The following NDUFAF6 variants were observed in gnomAD, a reference collection of about 807,000 sequenced individuals.
The protein encoded by NDUFAF6 is NADH:ubiquinone oxidoreductase complex assembly factor 6.
NDUFAF6 carries 45 observed loss-of-function variants against 40.8 expected under a neutral mutation model. The observed-to-expected ratio is 1.10, with a 90% CI of 0.87 to 1.42. NDUFAF6 has a LOEUF of 1.42. Ranked by LOEUF, NDUFAF6 falls within the 40% of genes most tolerant of loss-of-function variation. NDUFAF6 has a pLI of 0.00. For synonymous variants in NDUFAF6, 185 were observed against 155.9 expected (o/e 1.19, Z -1.39); for missense variants, 435 against 418.5 (o/e 1.04, Z -0.34).
intron 1 of NDUFAF6, among the ~76,000 whole-genome samples, chr8:94,978,109 C>T (rs1008557856): frequency 1.3e-5 from 2 of 152,000 alleles, no homozygotes; most frequent in African/African-American, 4.8e-5. Flanking sequence ...TTGGGGGGCT[C>T]CTGGATAGCT....
intron 4 of NDUFAF6, among the ~76,000 whole-genome samples, chr8:95,110,113 T>C (rs4735349): frequency 0.48 from 73,427 of 152,140 alleles, 19,663 homozygotes; most frequent in East Asian, 0.98. Context: ...TAGCCAATGA[T>C]GGTGACTGGC....
intron 9 of NDUFAF6, chr8:95,068,848 T>C (rs1197510934): frequency 1.3e-5 from 2 of 151,864 alleles, no homozygotes; most frequent in Admixed American, 1.3e-4. Flanking sequence ...CACTCCAATT[T>C]CTTTTCTGCA....
intron 1 of NDUFAF6, among the ~76,000 whole-genome samples, chr8:94,961,391 A>G (rs1255219483): frequency 6.6e-6 from 1 of 152,246 alleles, no homozygotes; most frequent in East Asian, 1.9e-4. Context: ...CCTCACAACA[A>G]TTCAGAGAAT....
chr8:95,107,239 C>G (rs937125138), downstream of NDUFAF6, among the ~76,000 whole-genome samples: 1 of 152,148 alleles, frequency 6.6e-6, no homozygotes, highest in Non-Finnish European at 1.5e-5. Flanking sequence ...AACCCAAATG[C>G]CCAGCAATGA....
At chr8:94,929,114 ACCCTGG>A (rs1820152035) in intron 1 of NDUFAF6, 1 of 152,588 alleles carries the variant, frequency 6.6e-6, no homozygotes, top group Non-Finnish European at 1.5e-5. Context: ...CGAACCCTGC[ACCCTGG>A]CCTCATTAGC....
In NDUFAF6 at chr8:95,029,132, A is replaced by C. The variant is rs192972747; in HGVS notation, c.198-2863A>C. ...CAGTTGAAAAGTGGGAGAAATCTGA[A>C]TTTTAGTACCTAAACTCTATGGGAT... On this transcript the variant is annotated intron_variant, in intron 1 of 8. Transcript: ENST00000396124. Among the ~76,000 whole-genome samples the C allele has an allele frequency of 2.0e-3, 304 of 152,318 alleles. 4 individuals carry two copies. In the South Asian group the frequency reaches 0.033, roughly 16 times the overall value.
downstream of NDUFAF6, among the ~76,000 whole-genome samples, chr8:95,116,743 T>A (rs1433724661): frequency 1.3e-5 from 2 of 152,230 alleles, no homozygotes; most frequent in African/African-American, 4.8e-5. Context: ...ACTGGATTAT[T>A]GTGTTGACAC....
chr8:95,094,360 C>G (rs1809367304), intron 2 of NDUFAF6, among the ~76,000 whole-genome samples: 1 of 128,476 alleles, frequency 7.8e-6, no homozygotes, highest in African/African-American at 2.9e-5. Flanking sequence ...TTCTTTCCTT[C>G]TTTCTTTTCT....
At position 95,094,332 on chromosome 8, in the gene NDUFAF6, A is replaced by G. The variant is rs1809366249; in HGVS notation, n.214-6800A>G. On this transcript the variant is annotated intron_variant and non_coding_transcript_variant, in intron 2 of 5. Coordinates refer to the NDUFAF6 transcript ENST00000523184. The stretch of plus-strand genomic sequence containing the variant: ...CTTCCTTTGGCCACTGTGCCCAACT[A>G]TTCTATGTCTTTCCTTTTTCTTTCC... Among the ~76,000 whole-genome samples the G allele has an allele frequency of 2.8e-5, 4 of 140,418 alleles. 1 individual carries two copies. In the South Asian group the frequency reaches 7.2e-4, roughly 25 times the overall value. The allele number at this position is 140,418 out of a possible 152,430, so 92.1% of individuals were successfully genotyped here.
At chr8:95,007,349 A>C (rs1369068572) in intron 2 of NDUFAF6, among the ~76,000 whole-genome samples, 1 of 151,994 alleles carries the variant, frequency 6.6e-6, no homozygotes, top group Non-Finnish European at 1.5e-5. Flanking sequence ...GCCAATAAGG[A>C]TATAGTTAAA....
chr8:95,016,315 A>G (rs1391214893), intron 2 of NDUFAF6, among the ~76,000 whole-genome samples: 1 of 152,252 alleles, frequency 6.6e-6, no homozygotes, highest in African/African-American at 2.4e-5. Flanking sequence ...AAGAGGATGA[A>G]ATGAGTTAGA....
intron 1 of NDUFAF6, among the ~76,000 whole-genome samples, chr8:94,979,278 A>G (rs1282557747): frequency 6.6e-6 from 1 of 151,788 alleles, no homozygotes; most frequent in East Asian, 1.9e-4. Flanking sequence ...CACCTGGGCT[A>G]CACCTCTGCC....
intron 2 of NDUFAF6, among the ~76,000 whole-genome samples, chr8:95,090,164 G>A (rs1809201937): frequency 6.6e-6 from 1 of 151,922 alleles, no homozygotes; most frequent in South Asian, 2.1e-4. Context: ...ATTCGGTGTG[G>A]CCCCTTTCCC....
chr8:94,951,214 C>G (rs748485455), intron 2 of NDUFAF6: 1 of 152,252 alleles, frequency 6.6e-6, no homozygotes, highest in African/African-American at 2.4e-5. Flanking sequence ...GAAAGAGATG[C>G]CTGGCCAGCT....
chr8:95,110,423 T>C (rs1809967175), intron 4 of NDUFAF6, among the ~76,000 whole-genome samples: 1 of 152,232 alleles, frequency 6.6e-6, no homozygotes, highest in African/African-American at 2.4e-5. Flanking sequence ...ATATCAGTGA[T>C]GTACAGTGTT....
chr8:94,943,385 A>C (rs1308255376), intron 1 of NDUFAF6, among the ~76,000 whole-genome samples: 2 of 152,180 alleles, frequency 1.3e-5, no homozygotes, highest in Non-Finnish European at 2.9e-5. Flanking sequence ...GCTACTTGGG[A>C]GGCTGACGTG....
chr8:95,108,747 G>A (rs1177306483), intron 4 of NDUFAF6, among the ~76,000 whole-genome samples: 1 of 152,102 alleles, frequency 6.6e-6, no homozygotes, highest in African/African-American at 2.4e-5. Flanking sequence ...CTGGTGGGAT[G>A]TAAATTGGTA....
At chr8:94,970,452 A>G (rs868767252) in intron 1 of NDUFAF6, among the ~76,000 whole-genome samples, 6 of 151,912 alleles carry the variant, frequency 3.9e-5, no homozygotes, top group African/African-American at 1.2e-4. Context: ...ATAGCCAGGC[A>G]TGGTGGCTCA....
chr8:94,930,156 G>A (rs573966900), intron 1 of NDUFAF6: 7 of 248,842 alleles, frequency 2.8e-5, no homozygotes, highest in South Asian at 8.6e-5. Flanking sequence ...GCCTATTCTC[G>A]TACTTGGGAA....
Sources: allele counts gnomAD v4.1 joint callset (sites outside exome capture counted in the v4.1 genomes callset), GRCh38; gene constraint gnomAD v4.1.1; transcripts MANE v1.5; gene names NCBI Gene and HGNC (gene_info 2026-07-23, HGNC 2026-07-21).